STRIP1: variants seen among roughly 807,000 people sequenced by gnomAD.
The protein encoded by STRIP1 is striatin interacting protein 1.
In STRIP1, 63 loss-of-function variants were observed where a neutral mutation model predicts 106.2. The observed-to-expected ratio is 0.59, with a 90% CI of 0.48 to 0.73. The LOEUF (loss-of-function observed/expected upper bound fraction) is 0.73, where lower values mean the gene tolerates loss of function less well. Ranked by LOEUF, STRIP1 falls within the 30% of genes least tolerant of loss-of-function variation. The probability of loss-of-function intolerance (pLI) is 0.00; values close to 1 mark genes in which losing one functional copy is unlikely to be tolerated. For synonymous variants in STRIP1, 390 were observed against 413.0 expected, an observed-to-expected ratio of 0.94 and a Z score of 0.67; for missense variants, 857 against 1,074.8, an observed-to-expected ratio of 0.80 and a Z score of 2.83.
rs1276247099 is a variant in STRIP1, at chr1:110,038,870, C to T, written c.325+113C>T. 1.1e-5 allele frequency: 11 copies of T among 987,944 alleles called. No homozygotes were observed. The East Asian group carries it at 2.0e-4, about 18-fold the overall frequency. 61.2% of individuals were successfully genotyped at this position (987,944 alleles called of 1,614,324 possible). A position where few individuals can be genotyped will look rare whatever the true frequency, so the allele number is the denominator to read the frequency against. ...ATCCTGGAACAGCCTGAGAAGCCTG[C>T]TGAACCCTGATGGTTCAAAGCCAGA... On this transcript the variant is annotated intron_variant, in intron 3 of 20. Transcript: ENST00000369795.
At chr1:110,044,152 A>G (rs1416104762) in intron 10 of STRIP1, among the ~76,000 whole-genome samples, 1 of 152,262 alleles carries the variant, frequency 6.6e-6, no homozygotes, top group African/African-American at 2.4e-5. Flanking sequence ...AAAAGCATTT[A>G]AGCAAACATG....
At chr1:110,033,350 G>A (rs1652281397), upstream of STRIP1, among the ~76,000 whole-genome samples, 1 of 151,814 alleles carries the variant, frequency 6.6e-6, no homozygotes, top group Admixed American at 6.6e-5. Flanking sequence ...AGGACTAACC[G>A]TTTGGGCTTC....
At position 110,047,849 on chromosome 1, in the gene STRIP1, C is replaced by T. The variant is rs762641349; in HGVS notation, c.1641C>T (p.Asp547=). The T allele has an allele frequency of 1.8e-5, 28 of 1,562,050 alleles. No homozygotes were observed. The highest frequency in any genetic ancestry group is 7.1e-5 in the East Asian group (3 of 42,430). The part of the protein sequence containing the change: ...AKTDSINILA[D]VLPEEMPTTV... ...CAGACTCAATCAACATCCTAGCGGA[C>T]GTCTTGCCTGAGGAGATGCCGTGAG... is the stretch of plus-strand genomic sequence containing the variant. The change falls in exon 15 of 21, where the codon GAC becomes GAT. Residue 547 remains aspartate (D), a synonymous_variant. Coordinates refer to ENST00000369795, the MANE Select transcript of STRIP1 (RefSeq NM_033088.4).
In STRIP1 at chr1:110,040,620, C is replaced by A; in HGVS notation, c.582-15C>A. The A allele has an allele frequency of 6.2e-7, 1 of 1,607,002 alleles. No individual in the cohort carries two copies. The highest frequency in any genetic ancestry group is 8.5e-7 in the Non-Finnish European group (1 of 1,176,658). On this transcript the variant is annotated splice_polypyrimidine_tract_variant and intron_variant, in intron 5 of 20. Coordinates refer to ENST00000369795, the MANE Select transcript of STRIP1 (RefSeq NM_033088.4). Reference sequence around the variant, plus strand: ...CTTCTTGGAGGAAGATGCTGACTCTCAAAATCTCCTGCAGCAACAGTGCCG... The same window carrying A: ...CTTCTTGGAGGAAGATGCTGACTCTAAAAATCTCCTGCAGCAACAGTGCCG...
chr1:110,039,661 C>T (rs1410393870), intron 5 of STRIP1, 146 bp downstream of exon 5: 7 of 1,086,926 alleles, frequency 6.4e-6, no homozygotes, highest in Admixed American at 2.2e-5. Context: ...GGTTGAATAA[C>T]GGAGTTGGTC....
intron 18 of STRIP1, 49 bp downstream of exon 18, chr1:110,050,458 G>A: frequency 6.4e-7 from 1 of 1,558,842 alleles, no homozygotes; most frequent in South Asian, 1.1e-5. Context: ...CAGGGTCAGT[G>A]GGTAGAGAGC....
chr1:110,044,542 G>A (rs1192228784), intron 10 of STRIP1, among the ~76,000 whole-genome samples: 1 of 152,182 alleles, frequency 6.6e-6, no homozygotes, highest in Non-Finnish European at 1.5e-5. Flanking sequence ...AAAGTCTGTT[G>A]ACAAACTTGT....
rs1653418563 is a variant in STRIP1 at position 110,053,913 on chromosome 1, G to T, written c.*1G>T. ...TTCCTGGGAAGAGCTGCTGCAGTGA[G>T]GCTGTTGGTTAGGGGACTGAAATGG... On this transcript the variant is annotated 3_prime_UTR_variant, in exon 21 of 21. Transcript: ENST00000369795. 7 of 1,613,942 alleles carry T rather than the reference G, an allele frequency of 4.3e-6. No individual in the cohort carries two copies. The highest frequency in any genetic ancestry group is 5.9e-6 in the Non-Finnish European group (7 of 1,180,002).
rs1653169599 is a variant in STRIP1 at position 110,049,152 on chromosome 1, A to G, written c.1702A>G (p.Asn568Asp). Residue 568 changes from asparagine to aspartate, a missense_variant, in exon 16 of 21, where the codon AAC (asparagine) becomes GAC (aspartate). By Grantham distance (23) the Asn-to-Asp change is conservative. This residue lies in a region of STRIP1 where 750 missense variants were observed against 989.8 expected (regional missense o/e 0.76). Coordinates refer to ENST00000369795, the MANE Select transcript of STRIP1 (RefSeq NM_033088.4). ...LQSMKLGVDV[N>D]RHKEVIVKAI... ...GAGCATGAAGCTGGGGGTGGATGTA[A>G]ACCGCCACAAAGAGGTCATTGTTAA... 1 of 1,614,066 alleles carries G rather than the reference A, an allele frequency of 6.2e-7. No homozygotes were observed. Among genetic ancestry groups the G allele is most frequent in the Non-Finnish European group, 8.5e-7 (1 of 1,180,038 alleles).
At chr1:110,053,573 T>C (rs759054833) in intron 20 of STRIP1, 92 bp from the exon 21 acceptor site, 5 of 1,533,946 alleles carry the variant, frequency 3.3e-6, no homozygotes, top group Admixed American at 1.8e-5. Flanking sequence ...TATCCTGCTC[T>C]TAGTTGACAC....
Position 110,043,140 on chromosome 1 carries a change from G to T in STRIP1, c.938G>T (p.Ser313Ile). The T allele has an allele frequency of 1.9e-6, 3 of 1,614,014 alleles. No individual in the cohort carries two copies. Among genetic ancestry groups the T allele is most frequent in the Non-Finnish European group, 2.5e-6 (3 of 1,180,014 alleles). The change falls in exon 9 of 21, where the codon AGC (serine) becomes ATC (isoleucine). Residue 313 changes from serine to isoleucine, a missense_variant. This residue lies in a region of STRIP1 where 750 missense variants were observed against 989.8 expected (regional missense o/e 0.76). Transcript: ENST00000369795. ...CAGAGCATGAAGGCTGAGAAGCGCA[G>T]CATCCTGGGCCTCCCCCCGCTTCCT... Reference protein sequence around the residue: ...ELQSMKAEKRSILGLPPLPED... With the variant: ...ELQSMKAEKRIILGLPPLPED...
upstream of STRIP1, among the ~76,000 whole-genome samples, chr1:110,032,508 A>G (rs1247221214): frequency 6.6e-6 from 1 of 152,198 alleles, no homozygotes; most frequent in East Asian, 1.9e-4. Context: ...AGTAAGAGTT[A>G]TTATTACGCA....
Position 110,034,951 on chromosome 1 carries a change from A to G in STRIP1, c.180+134A>G, listed in dbSNP as rs1412368063. ...GTCCGGCCGAGAACTGTCACTATAC[A>G]GCGAAAGGAGCAGGAAGCGAGGCTG... is the stretch of plus-strand genomic sequence containing the variant. On this transcript the variant is annotated intron_variant, in intron 1 of 20. Coordinates refer to ENST00000369795, the MANE Select transcript of STRIP1 (RefSeq NM_033088.4). The G allele has an allele frequency of 3.4e-6, 3 of 870,942 alleles. No homozygotes were observed. In the African/African-American group the frequency reaches 5.4e-5, roughly 16 times the overall value. The allele number at this position is 870,942 out of a possible 1,614,324, so 54.0% of individuals were successfully genotyped here. A position where few individuals can be genotyped will look rare whatever the true frequency, so the allele number is the denominator to read the frequency against.
At chr1:110,052,501 A>G (rs1356767266) in intron 20 of STRIP1, among the ~76,000 whole-genome samples, 1 of 151,762 alleles carries the variant, frequency 6.6e-6, no homozygotes, top group African/African-American at 2.4e-5. Flanking sequence ...TGAGACAGAG[A>G]TTCTGTCGCC....
intron 5 of STRIP1, 88 bp downstream of exon 5, chr1:110,039,603 G>T (rs1652660525): frequency 2.8e-6 from 4 of 1,445,658 alleles, no homozygotes; most frequent in Non-Finnish European, 3.8e-6. Context: ...CTTTGAGAGG[G>T]TTAAATGGGG....
upstream of STRIP1, among the ~76,000 whole-genome samples, chr1:110,031,832 T>A (rs979083225): frequency 1.3e-5 from 2 of 152,218 alleles, no homozygotes; most frequent in Non-Finnish European, 2.9e-5. Context: ...GATCTGTATA[T>A]TCTGTCTTAT....
chr1:110,050,498 G>T (rs74540222), intron 18 of STRIP1, 89 bp downstream of exon 18: 35 of 1,257,896 alleles, frequency 2.8e-5, no homozygotes, highest in South Asian at 1.4e-4. Flanking sequence ...AGGAATAGAG[G>T]TGTCTCCCGC....
At chr1:110,045,395 T>G in intron 12 of STRIP1, 2 of 327,364 alleles carry the variant, frequency 6.1e-6, no homozygotes, top group South Asian at 6.6e-5. Flanking sequence ...GAGGATTGTT[T>G]GAGCACAGGA....
rs760547629 is a variant in STRIP1 at position 110,047,610 on chromosome 1, G to A, written c.1557G>A (p.Gln519=). The change falls in exon 14 of 21, where the codon CAG becomes CAA. Residue 519 remains glutamine (Q), a synonymous_variant. Coordinates refer to ENST00000369795, the MANE Select transcript of STRIP1 (RefSeq NM_033088.4). ...AAGGCTTGCTCCCCAGCCTGCCTCA[G>A]TATATGGTGAGTGGTGCCTGCAGTG... ...LYQGLLPSLP[Q]YMIALLKILL... is the part of the protein sequence containing the mutation. 4.4e-6 allele frequency: 7 copies of A among 1,609,190 alleles called. No individual in the cohort carries two copies. The highest frequency in any genetic ancestry group is 5.9e-6 in the Non-Finnish European group (7 of 1,177,670).
Sources: allele counts gnomAD v4.1 joint callset (sites outside exome capture counted in the v4.1 genomes callset), GRCh38; gene constraint gnomAD v4.1.1; regional missense constraint gnomAD v4.1.1; transcripts MANE v1.5; gene names NCBI Gene and HGNC (gene_info 2026-07-23, HGNC 2026-07-21).